ACSF3: variants seen among roughly 807,000 people sequenced by gnomAD.
ACSF3 encodes the protein acyl-CoA synthetase family member 3, also known as malonate--CoA ligase ACSF3, mitochondrial.
In ACSF3, 78 loss-of-function variants were observed where a neutral mutation model predicts 53.2. The ratio of observed to expected loss-of-function variants is 1.47; its 90% CI spans 1.22 to 1.77. The LOEUF is 1.77. Ranked by LOEUF, ACSF3 falls within the 40% of genes most tolerant of loss-of-function variation. The pLI, the probability that ACSF3 is intolerant of heterozygous loss-of-function variation, is 0.00. For missense variants in ACSF3, 937 were observed against 771.1 expected (o/e 1.22, Z -2.55); for synonymous variants, 414 against 333.1 (o/e 1.24, Z -2.65).
At chr16:89,113,739 T>A (rs1037747052) in intron 5 of ACSF3, 16 of 182,180 alleles carry the variant, frequency 8.8e-5, no homozygotes, top group Non-Finnish European at 1.5e-4. Flanking sequence ...GGACTCGGAG[T>A]TCTCAGGGCC....
chr16:89,124,259 G>A (rs1001884766), intron 7 of ACSF3, among the ~76,000 whole-genome samples: 8 of 152,140 alleles, frequency 5.3e-5, no homozygotes, highest in East Asian at 1.9e-4. Flanking sequence ...GCTCCAGGCC[G>A]GACTCCCTGA....
intron 10 of ACSF3, chr16:89,149,100 T>A (rs1913636771): frequency 6.6e-6 from 1 of 152,226 alleles, no homozygotes; most frequent in Non-Finnish European, 1.5e-5. Flanking sequence ...AAAAGCAATC[T>A]TTGCTCCAGT....
At chr16:89,118,866 C>T (rs1197892901) in intron 6 of ACSF3, among the ~76,000 whole-genome samples, 2 of 152,204 alleles carry the variant, frequency 1.3e-5, no homozygotes, top group Non-Finnish European at 2.9e-5. Flanking sequence ...AGGCAGTGCC[C>T]CCCACCTGCC....
chr16:89,121,894 T>C (rs35118496), intron 7 of ACSF3, among the ~76,000 whole-genome samples: 108,175 of 152,202 alleles, frequency 0.71, 38,950 homozygotes, highest in Middle Eastern at 0.78. Flanking sequence ...CCAAGTAGGA[T>C]GTGGGTGGCT....
At chr16:89,149,836 G>A (rs1406483602) in intron 10 of ACSF3, 1 of 151,784 alleles carries the variant, frequency 6.6e-6, no homozygotes, top group African/African-American at 2.4e-5. Context: ...TGGGCAAACA[G>A]GAATAGAAGT....
At chr16:89,096,733 C>CT (rs1412628772) in intron 1 of ACSF3, among the ~76,000 whole-genome samples, 2 of 152,216 alleles carry the variant, frequency 1.3e-5, no homozygotes, top group Admixed American at 1.3e-4. Flanking sequence ...GGACTCCCCC[C>CT]TTCCCTCGGC....
intron 6 of ACSF3, chr16:89,115,373 G>A (rs893399680): frequency 6.6e-6 from 1 of 152,292 alleles, no homozygotes; most frequent in Non-Finnish European, 1.5e-5. Flanking sequence ...TTCTCTTCTT[G>A]TGGTTTTGCT....
rs1426182361 is a variant in ACSF3, at chr16:89,155,659, ACAGTC to A, written c.*1456_*1460del. ...CCCAAGGGAACGGCAGTCAGAGACT[ACAGTC>A]CAGACGTTTGTGTCTAGGCCTTGCT... On this transcript the variant is annotated 3_prime_UTR_variant, in exon 11 of 11. Transcript: ENST00000614302. 2.2e-6 allele frequency: 1 copy of A among 454,024 alleles called. No homozygotes were observed. Among genetic ancestry groups the A allele is most frequent in the African/African-American group, 2.0e-5 (1 of 50,014 alleles). The allele number at this position is 454,024 out of a possible 1,614,324, so 28.1% of individuals were successfully genotyped here.
intron 1 of ACSF3, among the ~76,000 whole-genome samples, chr16:89,097,202 G>A (rs1384721351): frequency 1.3e-5 from 2 of 152,262 alleles, no homozygotes; most frequent in Non-Finnish European, 2.9e-5. Context: ...CGTGTGCACA[G>A]CACGAGCTTG....
At position 89,114,456 on chromosome 16, in the gene ACSF3, C is replaced by T. The variant is rs148716626; in HGVS notation, c.1095C>T (p.Ser365=). ...TGACCGAGATCGGCATGGCTCTGTC[C>T]GGGCCCCTGACCACTGCCGTGCGCC... is the stretch of plus-strand genomic sequence containing the variant. ...YGMTEIGMAL[S]GPLTTAVRLP... is the part of the protein sequence containing the mutation. The change falls in exon 6 of 11, where the codon TCC becomes TCT. Residue 365 remains serine (S), a synonymous_variant. Coordinates refer to ENST00000614302, the MANE Select transcript of ACSF3 (RefSeq NM_001243279.3). The T allele has an allele frequency of 2.1e-5, 34 of 1,613,194 alleles. No individual in the cohort carries two copies. Among genetic ancestry groups the T allele is most frequent in the South Asian group, 7.7e-5 (7 of 91,080 alleles).
At chr16:89,140,841 C>T (rs1911614983) in intron 8 of ACSF3, among the ~76,000 whole-genome samples, 1 of 152,162 alleles carries the variant, frequency 6.6e-6, no homozygotes, top group Non-Finnish European at 1.5e-5. Context: ...AAGGCAGAGA[C>T]ATGAAATAGC....
intron 7 of ACSF3, among the ~76,000 whole-genome samples, chr16:89,132,722 G>A (rs1909591718): frequency 6.6e-6 from 1 of 152,268 alleles, no homozygotes; most frequent in South Asian, 2.1e-4. Flanking sequence ...GTGTTCCCTG[G>A]TTTGAGAAAC....
At chr16:89,154,036 C>G (rs1239031193) in intron 10 of ACSF3, 54 bp from the exon 11 acceptor site, 22 of 1,580,410 alleles carry the variant, frequency 1.4e-5, no homozygotes, top group Non-Finnish European at 1.9e-5. Flanking sequence ...GCCTGAGTTC[C>G]TCCTGCTGGG....
intron 8 of ACSF3, among the ~76,000 whole-genome samples, chr16:89,139,136 C>T (rs1466526616): frequency 6.6e-6 from 1 of 152,244 alleles, no homozygotes; most frequent in East Asian, 1.9e-4. Flanking sequence ...GGAGTCGCCG[C>T]TGAGAACTGA....
At chr16:89,122,252 C>A in intron 7 of ACSF3, 2 of 238,134 alleles carry the variant, frequency 8.4e-6, no homozygotes, top group East Asian at 2.6e-4. Flanking sequence ...TGTGTCCCGC[C>A]TGGCCTGGGC....
At chr16:89,100,546 C>A in intron 2 of ACSF3, 116 bp from the exon 3 acceptor site, 1 of 1,045,660 alleles carries the variant, frequency 9.6e-7, no homozygotes, top group Non-Finnish European at 1.4e-6. Context: ...TGCCTCATGA[C>A]TGAAGGTGCA....
Position 89,101,287 on chromosome 16 carries a change from C to T in ACSF3, c.606C>T (p.Thr202=), listed in dbSNP as rs1415713198. Reference sequence around the variant, plus strand: ...ACAAGGGCGCCATGATCATCTACACCAGTGGGACCACGGGGAGGCCCAAGG... The same window carrying T: ...ACAAGGGCGCCATGATCATCTACACTAGTGGGACCACGGGGAGGCCCAAGG... ...WRNKGAMIIY[T]SGTTGRPKGV... is the part of the protein sequence containing the mutation. The change falls in exon 3 of 11, where the codon ACC becomes ACT. Residue 202 remains threonine, a synonymous_variant. Coordinates refer to ENST00000614302, the MANE Select transcript of ACSF3 (RefSeq NM_001243279.3). The T allele has an allele frequency of 6.2e-7, 1 of 1,602,942 alleles. No homozygotes were observed.
chr16:89,141,179 A>AC lies in ACSF3; in HGVS notation c.1367-4085dup, dbSNP rs1459625473. The AC allele has an allele frequency of 9.3e-6, 12 of 1,286,978 alleles. No homozygotes were observed. In the African/African-American group the frequency reaches 1.8e-4, roughly 20 times the overall value. The allele number at this position is 1,286,978 out of a possible 1,614,324, so 79.7% of individuals were successfully genotyped here. Reference sequence around the variant, plus strand: ...CTTGCTTGGCTGAGACTTTGTTTAAACCCTGGCTCCGATGCCTCTGAGCCC... The same window carrying AC: ...CTTGCTTGGCTGAGACTTTGTTTAAACCCCTGGCTCCGATGCCTCTGAGCCC... On this transcript the variant is annotated intron_variant, in intron 8 of 10. Coordinates refer to ENST00000614302, the MANE Select transcript of ACSF3 (RefSeq NM_001243279.3).
At chr16:89,097,890 G>T (rs1350091961) in intron 1 of ACSF3, among the ~76,000 whole-genome samples, 1 of 152,236 alleles carries the variant, frequency 6.6e-6, no homozygotes, top group African/African-American at 2.4e-5. Context: ...GCGGAGCTGT[G>T]CTGAGGTTCA....
Sources: allele counts gnomAD v4.1 joint callset (sites outside exome capture counted in the v4.1 genomes callset), GRCh38; gene constraint gnomAD v4.1.1; transcripts MANE v1.5; gene names NCBI Gene and HGNC (gene_info 2026-07-23, HGNC 2026-07-21).